The following MYO3A variants were observed in gnomAD, a reference collection of about 807,000 sequenced individuals.
MYO3A encodes myosin IIIA, also known as myosin-IIIa.
Under a neutral mutation model 192.7 loss-of-function variants are expected in MYO3A, and 180 were observed. That is an observed-to-expected ratio of 0.93 (90% CI 0.83 to 1.06). The LOEUF (loss-of-function observed/expected upper bound fraction) is 1.06, where lower values mean the gene tolerates loss of function less well. MYO3A is among the 50% of genes least tolerant of loss of function. The pLI, the probability that MYO3A is intolerant of heterozygous loss-of-function variation, is 0.00. For missense variants in MYO3A, 1,896 were observed against 1,905.0 expected (o/e 1.00, Z 0.09); for synonymous variants, 628 against 645.3 (o/e 0.97, Z 0.41).
chr10:25,996,660 AT>A, intron 5 of MYO3A, 66 bp downstream of exon 5: 1 of 1,318,030 alleles, frequency 7.6e-7, no homozygotes, highest in Middle Eastern at 2.3e-4. Flanking sequence ...TGTAGATCCT[AT>A]TTTTAGAAAA....
At chr10:25,960,039 T>C (rs1428785086) in intron 4 of MYO3A, among the ~76,000 whole-genome samples, 3 of 152,106 alleles carry the variant, frequency 2.0e-5, no homozygotes, top group African/African-American at 4.8e-5. Context: ...GGATCTTAGT[T>C]TGTGGCTTCC....
At chr10:26,168,026 C>G (rs1841847126) in intron 27 of MYO3A, among the ~76,000 whole-genome samples, 1 of 152,212 alleles carries the variant, frequency 6.6e-6, no homozygotes. Context: ...CACGCCAAGC[C>G]TTCTGGCTCC....
At chr10:25,978,976 TTTGA>T (rs1214549021) in intron 4 of MYO3A, among the ~76,000 whole-genome samples, 2 of 152,200 alleles carry the variant, frequency 1.3e-5, no homozygotes, top group Non-Finnish European at 2.9e-5. Context: ...TCTGGAAATG[TTTGA>T]TTGTAATTTT....
chr10:26,071,565 G>A (rs973555540), intron 14 of MYO3A, among the ~76,000 whole-genome samples: 1 of 151,970 alleles, frequency 6.6e-6, no homozygotes, highest in African/African-American at 2.4e-5. Flanking sequence ...GTTCTCTGAG[G>A]ACACTGTTAC....
chr10:26,212,201 C>A lies in MYO3A; in HGVS notation c.*238C>A. On this transcript the variant is annotated 3_prime_UTR_variant, in exon 35 of 35. Transcript: ENST00000642920. The stretch of plus-strand genomic sequence containing the variant: ...ACGCTCTCTCTCGGAACTCCCGCAC[C>A]CTCCTTTCTCACCAGCCCGCCAGTT... The A allele has an allele frequency of 5.4e-6, 3 of 556,456 alleles. No homozygotes were observed. Among genetic ancestry groups the A allele is most frequent in the Non-Finnish European group, 9.3e-6 (3 of 321,518 alleles). The allele number at this position is 556,456 out of a possible 1,614,324, so 34.5% of individuals were successfully genotyped here. A position where few individuals can be genotyped will look rare whatever the true frequency, so the allele number is the denominator to read the frequency against.
chr10:26,169,975 A>G (rs1841965462), intron 28 of MYO3A, among the ~76,000 whole-genome samples: 1 of 152,234 alleles, frequency 6.6e-6, no homozygotes, highest in South Asian at 2.1e-4. Flanking sequence ...GACACAGGGA[A>G]TGTTACAGAA....
intron 2 of MYO3A, among the ~76,000 whole-genome samples, chr10:25,944,944 C>G (rs919822328): frequency 6.6e-6 from 1 of 151,880 alleles, no homozygotes; most frequent in Non-Finnish European, 1.5e-5. Context: ...TCAGTTTGCT[C>G]CTCTTATTCT....
At chr10:26,156,901 A>C (rs952316337) in intron 25 of MYO3A, among the ~76,000 whole-genome samples, 2 of 152,310 alleles carry the variant, frequency 1.3e-5, no homozygotes. Context: ...CTTTTTTACC[A>C]TCTATAAAGA....
At chr10:26,012,915 AT>A (rs1056255298) in intron 6 of MYO3A, among the ~76,000 whole-genome samples, 1 of 152,238 alleles carries the variant, frequency 6.6e-6, no homozygotes, top group African/African-American at 2.4e-5. Context: ...TGGTACAGGT[AT>A]AAAAGTAGGC....
chr10:26,169,402 T>C (rs1020596048), intron 28 of MYO3A, among the ~76,000 whole-genome samples: 2 of 152,216 alleles, frequency 1.3e-5, no homozygotes, highest in Non-Finnish European at 2.9e-5. Flanking sequence ...GAAATTTAGA[T>C]AGAGCTTGTC....
intron 4 of MYO3A, among the ~76,000 whole-genome samples, chr10:25,992,074 GA>G (rs1840069135): frequency 6.6e-6 from 1 of 152,110 alleles, no homozygotes; most frequent in Non-Finnish European, 1.5e-5. Context: ...GCTTGATGGG[GA>G]TGGCACTGAA....
At chr10:26,129,819 T>C (rs1314048568) in intron 20 of MYO3A, among the ~76,000 whole-genome samples, 1 of 152,216 alleles carries the variant, frequency 6.6e-6, no homozygotes, top group African/African-American at 2.4e-5. Context: ...ATAAGTAATG[T>C]TGCCTTGCTT....
Position 26,211,975 on chromosome 10 carries a change from G to C in MYO3A, c.*12G>C. 6.2e-7 allele frequency: 1 copy of C among 1,608,366 alleles called. No homozygotes were observed. Among genetic ancestry groups the C allele is most frequent in the Non-Finnish European group, 8.5e-7 (1 of 1,175,458 alleles). On this transcript the variant is annotated 3_prime_UTR_variant, in exon 35 of 35. Coordinates refer to ENST00000642920, the MANE Select transcript of MYO3A (RefSeq NM_017433.5). Reference sequence around the variant, plus strand: ...TCCAGCAGTCCTAACCGTTCAACGAGGCAGTCACCGCCGTCGGAAGGCGCT... The same window carrying C: ...TCCAGCAGTCCTAACCGTTCAACGACGCAGTCACCGCCGTCGGAAGGCGCT...
chr10:26,155,398 T>C (rs1241950565), intron 25 of MYO3A, among the ~76,000 whole-genome samples: 1 of 152,204 alleles, frequency 6.6e-6, no homozygotes, highest in Non-Finnish European at 1.5e-5. Flanking sequence ...CAAGTACTTT[T>C]TTTTCCTCTG....
intron 17 of MYO3A, among the ~76,000 whole-genome samples, chr10:26,115,262 C>G (rs1368379384): frequency 3.9e-5 from 6 of 152,140 alleles, no homozygotes; most frequent in Admixed American, 3.9e-4. Context: ...GGCAAGGAGA[C>G]TGGTCAAGAA....
chr10:26,178,600 A>G (rs1842450397), intron 31 of MYO3A, among the ~76,000 whole-genome samples: 2 of 151,486 alleles, frequency 1.3e-5, no homozygotes, highest in Admixed American at 1.3e-4. Flanking sequence ...ACAACAAGGG[A>G]CAACTTTACC....
At chr10:26,019,267 ATTTT>A (rs200382318) in intron 7 of MYO3A, among the ~76,000 whole-genome samples, 21 of 80,452 alleles carry the variant, frequency 2.6e-4, no homozygotes, top group African/African-American at 8.1e-4. Context: ...TTATTTATTT[ATTTT>A]TTCCTGAGAC....
intron 14 of MYO3A, among the ~76,000 whole-genome samples, chr10:26,082,774 C>G (rs1298840444): frequency 6.6e-6 from 1 of 151,950 alleles, no homozygotes; most frequent in South Asian, 2.1e-4. Flanking sequence ...CTCTCTCTCT[C>G]TCTCAGAATA....
In MYO3A at chr10:26,168,885, T is replaced by C; in HGVS notation, c.3274+11T>C. ...TAATAATACAGTCAGGTAATCTCTT[T>C]GACATATTTAGATATGGTCATAAAA... is the stretch of plus-strand genomic sequence containing the variant. On this transcript the variant is annotated intron_variant, in intron 28 of 34. Coordinates refer to ENST00000642920, the MANE Select transcript of MYO3A (RefSeq NM_017433.5). 6.2e-7 allele frequency: 1 copy of C among 1,603,542 alleles called. No individual in the cohort carries two copies. The highest frequency in any genetic ancestry group is 2.2e-5 in the East Asian group (1 of 44,746).
Sources: allele counts gnomAD v4.1 joint callset (sites outside exome capture counted in the v4.1 genomes callset), GRCh38; gene constraint gnomAD v4.1.1; transcripts MANE v1.5; gene names NCBI Gene and HGNC (gene_info 2026-07-23, HGNC 2026-07-21).